TEX101: variants seen among roughly 807,000 people sequenced by gnomAD.
TEX101 encodes testis-expressed protein 101.
Under a neutral mutation model 18.1 loss-of-function variants are expected in TEX101, and 10 were observed. The observed-to-expected ratio is 0.55, with a 90% CI of 0.34 to 0.94. TEX101 has a LOEUF of 0.94. Ranked by LOEUF, TEX101 falls within the 40% of genes least tolerant of loss-of-function variation. The probability of loss-of-function intolerance (pLI) is 0.02; values close to 1 mark genes in which losing one functional copy is unlikely to be tolerated. For synonymous variants in TEX101, 94 were observed against 114.8 expected (o/e 0.82, Z 1.16); for missense variants, 259 against 298.9 (o/e 0.87, Z 0.98).
In TEX101 at chr19:43,416,125, G is replaced by A. The variant is rs755705585; in HGVS notation, c.91G>A (p.Gly31Ser). 1 of 1,612,866 alleles carries A rather than the reference G, an allele frequency of 6.2e-7. No homozygotes were observed. The highest frequency in any genetic ancestry group is 1.1e-5 in the South Asian group (1 of 90,964). ...GGGCCTAGAGCTGTATTGTCAAAAG[G>A]GTCTGTCCATGACTGTGGAAGCAGA... ...TSGLELYCQK[G>S]LSMTVEADPA... Residue 31 changes from glycine to serine, a missense_variant, in exon 3 of 6, where the codon GGT (glycine) becomes AGT (serine). Gly to Ser is a moderately conservative substitution (Grantham distance 56). Coordinates refer to ENST00000598265, the MANE Select transcript of TEX101 (RefSeq NM_001130011.3).
upstream of TEX101, among the ~76,000 whole-genome samples, chr19:43,400,815 G>A (rs1405875049): frequency 2.6e-5 from 4 of 152,164 alleles, no homozygotes; most frequent in African/African-American, 9.7e-5. Flanking sequence ...AATGGTTTAT[G>A]TTCCATCTCA....
chr19:43,415,178 C>A, intron 1 of TEX101, 140 bp downstream of exon 1: 1 of 482,996 alleles, frequency 2.1e-6, no homozygotes, highest in Non-Finnish European at 2.7e-6. Context: ...TCCTCGATCC[C>A]TACATAGGAC....
In TEX101 at chr19:43,416,225, T is replaced by C. The variant is rs1006800756; in HGVS notation, c.191T>C (p.Ile64Thr). The change falls in exon 3 of 6, where the codon ATA becomes ACA. Residue 64 changes from isoleucine (I) to threonine (T), a missense_variant. Transcript: ENST00000598265. ...CDKGALCQET[I>T]LIIKAGTETA... ...AAAGGGGCACTTTGCCAGGAAACCA[T>C]ACTAATAATTAAAGCAGGTGAAATG... is the stretch of plus-strand genomic sequence containing the variant. 6.8e-6 allele frequency: 11 copies of C among 1,608,758 alleles called. No homozygotes were observed. The highest frequency in any genetic ancestry group is 1.7e-4 in the Middle Eastern group (1 of 6,044).
chr19:43,410,964 C>T (rs769624604), upstream of TEX101, among the ~76,000 whole-genome samples: 10 of 152,292 alleles, frequency 6.6e-5, no homozygotes, highest in Middle Eastern at 6.8e-3. Context: ...GCAACCTCCA[C>T]CTCCTGGGCT....
At chr19:43,406,592 G>T (rs1354678330) in intron 3 of TEX101, 2 of 614,324 alleles carry the variant, frequency 3.3e-6, no homozygotes, top group East Asian at 3.0e-5. Context: ...TGGGGGAGTC[G>T]GGCGCGAGTT....
the TEX101 span, among the ~76,000 whole-genome samples, chr19:43,389,405 G>C: frequency 1.3e-5 from 2 of 152,182 alleles, no homozygotes; most frequent in Admixed American, 6.5e-5. Context: ...TTAATTTTTT[G>C]AGTGGGGATC....
chr19:43,393,233 AAC>A, the TEX101 span, among the ~76,000 whole-genome samples: 1 of 152,190 alleles, frequency 6.6e-6, no homozygotes, highest in Non-Finnish European at 1.5e-5. Flanking sequence ...CAGAGCCAGA[AAC>A]AGAGACCCAG....
chr19:43,393,345 G>A, the TEX101 span, among the ~76,000 whole-genome samples: 26 of 152,278 alleles, frequency 1.7e-4, no homozygotes, highest in Admixed American at 2.6e-4. Flanking sequence ...GGGGCTGAGC[G>A]CACAGCCTGC....
Position 43,414,960 on chromosome 19 carries a change from G to A in TEX101, c.-118G>A, listed in dbSNP as rs992486251. The stretch of plus-strand genomic sequence containing the variant: ...TGGCGTCGTGAGATTCTTGTGAGGC[G>A]TCTGCCTGGAAGCCGGCAGCAATTT... On this transcript the variant is annotated 5_prime_UTR_variant, in exon 1 of 6. Coordinates refer to ENST00000598265, the MANE Select transcript of TEX101 (RefSeq NM_001130011.3). The A allele has an allele frequency of 3.2e-5, 32 of 985,432 alleles. No homozygotes were observed. The highest frequency in any genetic ancestry group is 1.2e-4 in the Admixed American group (2 of 16,280). The allele number at this position is 985,432 out of a possible 1,614,324, so 61.0% of individuals were successfully genotyped here.
intron 5 of TEX101, 68 bp downstream of exon 5, chr19:43,418,074 C>G: frequency 1.9e-6 from 3 of 1,612,940 alleles, no homozygotes; most frequent in Non-Finnish European, 8.5e-7. Flanking sequence ...CCCAGAGATT[C>G]TGACACTGAG....
chr19:43,397,217 G>A (rs867704448), upstream of TEX101, among the ~76,000 whole-genome samples: 10 of 152,254 alleles, frequency 6.6e-5, no homozygotes, highest in African/African-American at 1.9e-4. Context: ...CTAGCCAGGT[G>A]CAGTCATCTG....
intron 4 of TEX101, 105 bp downstream of exon 4, chr19:43,416,660 C>A: frequency 9.5e-7 from 1 of 1,056,662 alleles, no homozygotes. Context: ...TGGTCCATAC[C>A]CCAAAGTACC....
At chr19:43,414,885 G>A (rs1599902951), upstream of TEX101, 54 of 985,360 alleles carry the variant, frequency 5.5e-5, no homozygotes, top group East Asian at 1.1e-4. Flanking sequence ...CCGGCCTTGC[G>A]TCGTAAGAGA....
In TEX101 at chr19:43,409,151, G is replaced by A. The variant is rs148547654; in HGVS notation, c.15+2632G>A. 5.4e-3 allele frequency among the ~76,000 whole-genome samples: 827 copies of A among 152,278 alleles called. 8 individuals are homozygous for A. The highest frequency in any genetic ancestry group is 0.018 in the African/African-American group (747 of 41,562). ...GTTCAGAGAAACTTCAGGGTGTTCC[G>A]TCCATAAATGGTTGGATAACATCTA... On this transcript the variant is annotated intron_variant, in intron 3 of 7. Coordinates refer to the TEX101 transcript ENST00000602198.
chr19:43,406,180 C>T (rs928247501), intron 2 of TEX101: 5 of 304,832 alleles, frequency 1.6e-5, no homozygotes, highest in African/African-American at 8.9e-5. Flanking sequence ...CAAAACACAG[C>T]TTAGGCTGCT....
chr19:43,403,661 T>TA (rs1970336820), intron 2 of TEX101, among the ~76,000 whole-genome samples: 1 of 151,550 alleles, frequency 6.6e-6, no homozygotes, highest in African/African-American at 2.4e-5. Flanking sequence ...CTAATTGATT[T>TA]TAAAAAAAAA....
At chr19:43,390,719 G>A in the TEX101 span, among the ~76,000 whole-genome samples, 2 of 151,292 alleles carry the variant, frequency 1.3e-5, no homozygotes, top group South Asian at 2.1e-4. Context: ...TGCCTGCCTC[G>A]ACCTCCCAAA....
the TEX101 span, among the ~76,000 whole-genome samples, chr19:43,393,101 AAG>A: frequency 2.0e-5 from 3 of 151,536 alleles, no homozygotes; most frequent in Admixed American, 6.6e-5. Context: ...GGAAGGAAGG[AAG>A]GAAAGAAAGA....
Position 43,416,668 on chromosome 19 carries a change from A to G in TEX101, c.391+113A>G, listed in dbSNP as rs1040535391. On this transcript the variant is annotated intron_variant, in intron 4 of 5. Coordinates refer to ENST00000598265, the MANE Select transcript of TEX101 (RefSeq NM_001130011.3). ...GCCTAAGTGGTCCATACCCCAAAGT[A>G]CCTCACAGTTCAAGTAATTTTATGT... The G allele has an allele frequency of 1.2e-5, 12 of 988,718 alleles. No homozygotes were observed. The African/African-American group carries it at 1.6e-4, about 13-fold the overall frequency. 61.2% of individuals were successfully genotyped at this position (988,718 alleles called of 1,614,324 possible).
Sources: gnomAD v4.1 joint callset for allele counts (sites outside exome capture counted in the v4.1 genomes callset) on GRCh38, gnomAD v4.1.1 for gene constraint, MANE v1.5 for transcripts, NCBI Gene and HGNC (gene_info 2026-07-23, HGNC 2026-07-21) for gene names.